The following GGNBP2 variants were observed in gnomAD, a reference collection of about 807,000 sequenced individuals.
GGNBP2 encodes the protein gametogenetin-binding protein 2.
In GGNBP2, 10 loss-of-function variants were observed where a neutral mutation model predicts 85.9. The observed-to-expected ratio is 0.12, with a 90% CI of 0.07 to 0.20. GGNBP2 has a LOEUF of 0.20. Ranked by LOEUF, GGNBP2 falls within the 10% of genes least tolerant of loss-of-function variation. GGNBP2 has a pLI of 1.00. For missense variants in GGNBP2, 595 were observed against 857.8 expected (o/e 0.69, Z 3.83); for synonymous variants, 287 against 285.7 (o/e 1.00, Z -0.05).
chr17:36,563,704 G>C (rs1325818580), intron 5 of GGNBP2, among the ~76,000 whole-genome samples: 1 of 147,534 alleles, frequency 6.8e-6, no homozygotes, highest in South Asian at 2.2e-4. Context: ...TTGTTATTTT[G>C]CTGCTTGATT....
At chr17:36,560,232 A>G (rs2074403972) in intron 4 of GGNBP2, among the ~76,000 whole-genome samples, 1 of 152,164 alleles carries the variant, frequency 6.6e-6, no homozygotes, top group Admixed American at 6.5e-5. Flanking sequence ...TGCTGGGATT[A>G]TAGGCATGAG....
chr17:36,574,044 A>AT (rs879809732), intron 6 of GGNBP2, among the ~76,000 whole-genome samples: 2 of 151,796 alleles, frequency 1.3e-5, no homozygotes, highest in Non-Finnish European at 2.9e-5. Flanking sequence ...GTTTGCAAAT[A>AT]TTTTTTCCCA....
intron 5 of GGNBP2, among the ~76,000 whole-genome samples, chr17:36,567,314 GTA>G (rs2074478478): frequency 1.3e-5 from 2 of 152,134 alleles, no homozygotes; most frequent in Admixed American, 1.3e-4. Context: ...TATAAAGTGA[GTA>G]TGTAATCATA....
chr17:36,568,691 A>G, intron 6 of GGNBP2, among the ~76,000 whole-genome samples: 1 of 152,012 alleles, frequency 6.6e-6, no homozygotes, highest in Non-Finnish European at 1.5e-5. Context: ...GTTGATATTC[A>G]TGTGTTTTGT....
intron 2 of GGNBP2, among the ~76,000 whole-genome samples, chr17:36,549,514 T>C (rs144862991): frequency 2.0e-3 from 312 of 152,202 alleles, no homozygotes; most frequent in African/African-American, 7.2e-3. Context: ...CCAAAATATA[T>C]ATTCCTTCTA....
rs1567821717 is a variant in GGNBP2, at chr17:36,560,755, TG to T, written c.429-17del. 8.0e-7 allele frequency: 1 copy of T among 1,256,642 alleles called. No individual in the cohort carries two copies. The highest frequency in any genetic ancestry group is 1.1e-6 in the Non-Finnish European group (1 of 879,536). 77.8% of individuals were successfully genotyped at this position (1,256,642 alleles called of 1,614,324 possible). On this transcript the variant is annotated splice_polypyrimidine_tract_variant and intron_variant, in intron 4 of 13. Transcript: ENST00000613102. ...AGTAAAATGAATTAAACCCTTAATA[TG>T]TTTTATTTTTAATTAGGTCCAAACT... is the stretch of plus-strand genomic sequence containing the variant.
At chr17:36,578,278 C>T in intron 7 of GGNBP2, 92 bp downstream of exon 7, 1 of 925,386 alleles carries the variant, frequency 1.1e-6, no homozygotes, top group Non-Finnish European at 1.6e-6. Flanking sequence ...TGCCTCAGTA[C>T]ATATGATATA....
intron 6 of GGNBP2, among the ~76,000 whole-genome samples, chr17:36,575,648 A>ATATATATATATATATATATATT (rs374366757): frequency 9.1e-5 from 5 of 54,912 alleles, no homozygotes; most frequent in Non-Finnish European, 1.4e-4. Flanking sequence ...ATATATATAT[A>ATATATATATATATATATATATT]TTTTTTTTTT....
At chr17:36,550,115 T>TTAC (rs1027584153) in intron 2 of GGNBP2, among the ~76,000 whole-genome samples, 49 of 152,074 alleles carry the variant, frequency 3.2e-4, no homozygotes, top group Admixed American at 1.5e-3. Context: ...TTTTTGTATT[T>TTAC]TTAGTAGAGA....
intron 6 of GGNBP2, chr17:36,574,799 G>A: frequency 1.5e-6 from 1 of 656,914 alleles, no homozygotes; most frequent in Non-Finnish European, 2.7e-6. Context: ...CGGCTTGCAA[G>A]GGATGGTGTG....
At chr17:36,557,056 CTCTT>C (rs1567819597) in intron 3 of GGNBP2, 23 bp from the exon 4 acceptor site, 7 of 1,612,202 alleles carry the variant, frequency 4.3e-6, no homozygotes, top group Non-Finnish European at 5.9e-6. Context: ...TTAAAGGACA[CTCTT>C]TCATTTTCTT....
chr17:36,580,892 C>A (rs2074642071), intron 8 of GGNBP2, among the ~76,000 whole-genome samples: 1 of 151,292 alleles, frequency 6.6e-6, no homozygotes, highest in Non-Finnish European at 1.5e-5. Context: ...GTACTCCAGC[C>A]TGGGCGATGG....
intron 2 of GGNBP2, 77 bp downstream of exon 2, chr17:36,545,894 C>T (rs2074249202): frequency 3.9e-6 from 4 of 1,024,672 alleles, no homozygotes; most frequent in East Asian, 5.3e-5. Flanking sequence ...CCAGGCCGAG[C>T]GCTGCGCACT....
chr17:36,570,958 T>C (rs2074517989), intron 6 of GGNBP2, among the ~76,000 whole-genome samples: 1 of 152,060 alleles, frequency 6.6e-6, no homozygotes, highest in Non-Finnish European at 1.5e-5. Flanking sequence ...AGGCAGAGTT[T>C]GCAGTGAGCT....
At chr17:36,587,502 T>A (rs1293028062) in intron 13 of GGNBP2, 1 of 452,264 alleles carries the variant, frequency 2.2e-6, no homozygotes, top group Non-Finnish European at 4.0e-6. Context: ...ACAGTGGGGT[T>A]ACATTCCAAT....
At chr17:36,557,811 A>G (rs567492047) in intron 4 of GGNBP2, among the ~76,000 whole-genome samples, 32 of 152,276 alleles carry the variant, frequency 2.1e-4, no homozygotes, top group African/African-American at 7.2e-4. Context: ...GTAATAAAAG[A>G]TGGGGTCAGC....
intron 6 of GGNBP2, among the ~76,000 whole-genome samples, 155 bp downstream of exon 6, chr17:36,567,931 CT>C (rs373695854): frequency 1.5e-3 from 211 of 143,276 alleles, no homozygotes; most frequent in Non-Finnish European, 1.6e-3. Flanking sequence ...TAGGCAGTTC[CT>C]TTTTTTTTTT....
chr17:36,555,022 C>A (rs1034329127), intron 3 of GGNBP2, 122 bp downstream of exon 3: 5 of 611,714 alleles, frequency 8.2e-6, no homozygotes, highest in Middle Eastern at 8.7e-4. Context: ...TGGAATTGCT[C>A]TTTCACCATT....
chr17:36,588,154 A>G lies in GGNBP2; in HGVS notation c.1890+909A>G, dbSNP rs144932243. 6.5e-3 allele frequency among the ~76,000 whole-genome samples: 992 copies of G among 152,222 alleles called. 8 individuals carry two copies. Among genetic ancestry groups the G allele is most frequent in the African/African-American group, 0.022 (925 of 41,536 alleles). On this transcript the variant is annotated intron_variant, in intron 13 of 13. Transcript: ENST00000613102. Reference sequence around the variant, plus strand: ...AGACTTTTTACCTGATCCCCAACTGACCCAGTGCGTAGTATAGGTGGCCCT... The same window carrying G: ...AGACTTTTTACCTGATCCCCAACTGGCCCAGTGCGTAGTATAGGTGGCCCT...
Sources: allele counts gnomAD v4.1 joint callset (sites outside exome capture counted in the v4.1 genomes callset), GRCh38; gene constraint gnomAD v4.1.1; transcripts MANE v1.5; gene names NCBI Gene and HGNC (gene_info 2026-07-23, HGNC 2026-07-21).